MSR1: variants seen among roughly 807,000 people sequenced by gnomAD.
The protein encoded by MSR1 is macrophage scavenger receptor types I and II.
Under a neutral mutation model 47.2 loss-of-function variants are expected in MSR1, and 53 were observed. The observed-to-expected ratio is 1.12, with a 90% CI of 0.90 to 1.41. The LOEUF (loss-of-function observed/expected upper bound fraction) is 1.41, where lower values mean the gene tolerates loss of function less well. Among genes scored for constraint, MSR1 ranks in the 40% most tolerant of loss-of-function variants. MSR1 has a pLI of 0.00. For synonymous variants in MSR1, 239 were observed against 185.6 expected (o/e 1.29, Z -2.34); for missense variants, 786 against 546.9 (o/e 1.44, Z -4.36).
At chr8:16,137,964 C>T (rs140377554) in intron 8 of MSR1, among the ~76,000 whole-genome samples, 242 of 151,146 alleles carry the variant, frequency 1.6e-3, no homozygotes, top group African/African-American at 4.8e-3. Flanking sequence ...TGTAGTCCAA[C>T]CTGTGCAACA....
At chr8:16,184,737 C>G (rs2117230500) in intron 1 of MSR1, among the ~76,000 whole-genome samples, 1 of 152,214 alleles carries the variant, frequency 6.6e-6, no homozygotes, top group Admixed American at 6.6e-5. Context: ...TTTTGCTTTT[C>G]TCCCTTTCAC....
chr8:16,142,089 G>C (rs1800572724), intron 8 of MSR1, among the ~76,000 whole-genome samples: 1 of 152,080 alleles, frequency 6.6e-6, no homozygotes, highest in African/African-American at 2.4e-5. Context: ...CCAGCACTTT[G>C]GGAGGCTGAG....
intron 9 of MSR1, among the ~76,000 whole-genome samples, chr8:16,117,430 G>C (rs756456288): frequency 4.6e-5 from 7 of 152,062 alleles, no homozygotes; most frequent in African/African-American, 4.8e-5. Flanking sequence ...ATTGCTTGTA[G>C]ACTCATATCA....
chr8:16,158,645 T>G (rs1023449052), intron 5 of MSR1, among the ~76,000 whole-genome samples: 1 of 151,860 alleles, frequency 6.6e-6, no homozygotes, highest in African/African-American at 2.4e-5. Context: ...TTTTCTCTAG[T>G]TTTCATGCTC....
chr8:16,177,093 C>T (rs1385400782), intron 2 of MSR1, among the ~76,000 whole-genome samples: 22 of 152,132 alleles, frequency 1.4e-4, no homozygotes, highest in Admixed American at 1.4e-3. Context: ...CTGAGTATTG[C>T]TACTTTTTAG....
chr8:16,190,194 G>T (rs1197260627), intron 1 of MSR1, among the ~76,000 whole-genome samples: 1 of 151,940 alleles, frequency 6.6e-6, no homozygotes, highest in Non-Finnish European at 1.5e-5. Flanking sequence ...CACTGCCCCG[G>T]CCATTATTTT....
In MSR1 at chr8:16,110,169, T is replaced by G. The variant is rs2117041959; in HGVS notation, c.1272A>C (p.Ser424=). The G allele has an allele frequency of 6.2e-7, 1 of 1,613,720 alleles. No homozygotes were observed. The highest frequency in any genetic ancestry group is 1.7e-4 in the Middle Eastern group (1 of 6,058). Residue 424 remains serine, a synonymous_variant, in exon 10 of 10, where the codon TCA becomes TCC. Transcript: ENST00000262101. Reference sequence around the variant, plus strand: ...GCCGAATTTTACATTCTTCAATAGATGATTCTCTCCCAAAACAAAACACTT... The same window carrying G: ...GCCGAATTTTACATTCTTCAATAGAGGATTCTCTCCCAAAACAAAACACTT... The part of the protein sequence containing the change: ...LNEVFCFGRE[S]SIEECKIRQW...
chr8:16,187,505 A>C (rs536186877), intron 1 of MSR1, among the ~76,000 whole-genome samples: 85 of 151,974 alleles, frequency 5.6e-4, no homozygotes, highest in African/African-American at 2.0e-3. Flanking sequence ...TCTTTCCCCC[A>C]AAAACATATA....
At chr8:16,173,993 A>G (rs755306401) in intron 3 of MSR1, among the ~76,000 whole-genome samples, 2 of 152,098 alleles carry the variant, frequency 1.3e-5, no homozygotes, top group African/African-American at 4.8e-5. Flanking sequence ...TTTTATAAAG[A>G]CTTGATTAAA....
intron 9 of MSR1, among the ~76,000 whole-genome samples, chr8:16,115,116 T>A (rs1450895963): frequency 6.6e-6 from 1 of 152,092 alleles, no homozygotes; most frequent in Non-Finnish European, 1.5e-5. Flanking sequence ...GAGGCAGAGG[T>A]TGCGGTGAGC....
chr8:16,178,045 C>T (rs779430789), intron 1 of MSR1, 53 bp from the exon 2 acceptor site: 1 of 1,362,424 alleles, frequency 7.3e-7, no homozygotes. Context: ...GGCTAGGGCT[C>T]TTTTGCATAA....
chr8:16,122,261 A>G (rs1010353617), intron 8 of MSR1, among the ~76,000 whole-genome samples: 1 of 152,118 alleles, frequency 6.6e-6, no homozygotes, highest in Non-Finnish European at 1.5e-5. Flanking sequence ...GAGTGGCCCA[A>G]TCATTTCCTG....
intron 8 of MSR1, chr8:16,120,907 C>T (rs1799989748): frequency 2.5e-6 from 1 of 402,822 alleles, no homozygotes; most frequent in African/African-American, 2.0e-5. Context: ...TTGACAGATA[C>T]AAGTTTATTG....
rs1277165609 is a variant in MSR1 at position 16,155,108 on chromosome 8, C to G, written c.854G>C (p.Gly285Ala). 1 of 1,612,238 alleles carries G rather than the reference C, an allele frequency of 6.2e-7. No individual in the cohort carries two copies. Among genetic ancestry groups the G allele is most frequent in the Non-Finnish European group, 8.5e-7 (1 of 1,178,832 alleles). Residue 285 changes from glycine to alanine, a missense_variant, in exon 6 of 10, where the codon GGT (glycine) becomes GCT (alanine). Physicochemically the swap from Gly to Ala is moderately conservative, Grantham distance 60. Coordinates refer to ENST00000262101, the MANE Select transcript of MSR1 (RefSeq NM_138715.3). ...TCGTGGACCACTTTCTCCAGTGGGA[C>G]CTCGATCTCCTTTTTCACCCGGGGG... ...PGPPGEKGDR[G>A]PTGESGPRGF... is the part of the protein sequence containing the mutation.
intron 5 of MSR1, among the ~76,000 whole-genome samples, chr8:16,161,698 T>C (rs1801167541): frequency 1.3e-5 from 2 of 152,008 alleles, no homozygotes; most frequent in South Asian, 4.1e-4. Flanking sequence ...ATTACATATT[T>C]ATGTGTCTGT....
chr8:16,177,827 A>T, intron 2 of MSR1, 59 bp downstream of exon 2: 8 of 1,363,778 alleles, frequency 5.9e-6, no homozygotes, highest in Non-Finnish European at 8.4e-6. Flanking sequence ...CTATAATTTT[A>T]TATTTTGTCA....
chr8:16,131,049 C>T (rs1004806844), intron 8 of MSR1, among the ~76,000 whole-genome samples: 1 of 152,044 alleles, frequency 6.6e-6, no homozygotes, highest in Non-Finnish European at 1.5e-5. Context: ...CTTTGATAAA[C>T]CACCAAAGTG....
chr8:16,118,151 G>T (rs1472097428), intron 9 of MSR1, among the ~76,000 whole-genome samples: 3 of 152,006 alleles, frequency 2.0e-5, no homozygotes, highest in African/African-American at 7.2e-5. Context: ...TGTCTGCATT[G>T]ATTATATTAT....
intron 1 of MSR1, among the ~76,000 whole-genome samples, chr8:16,187,938 G>A (rs1455143293): frequency 6.6e-6 from 1 of 152,016 alleles, no homozygotes; most frequent in Non-Finnish European, 1.5e-5. Flanking sequence ...TTTTAGTAAC[G>A]TGAACATACA....
Sources: allele counts gnomAD v4.1 joint callset (sites outside exome capture counted in the v4.1 genomes callset), GRCh38; gene constraint gnomAD v4.1.1; transcripts MANE v1.5; gene names NCBI Gene and HGNC (gene_info 2026-07-23, HGNC 2026-07-21).